The following CES5A variants were observed in gnomAD, a reference collection of about 807,000 sequenced individuals.
The protein encoded by CES5A is carboxylesterase 5A.
Under a neutral mutation model 62.9 loss-of-function variants are expected in CES5A, and 67 were observed. That is an observed-to-expected ratio of 1.07 (90% CI 0.88 to 1.31). The LOEUF is 1.31. Among genes scored for constraint, CES5A ranks in the 50% most tolerant of loss-of-function variants. The pLI, the probability that CES5A is intolerant of heterozygous loss-of-function variation, is 0.00. For synonymous variants in CES5A, 296 were observed against 280.8 expected (o/e 1.05, Z -0.54); for missense variants, 748 against 708.5 (o/e 1.06, Z -0.63).
intron 2 of CES5A, among the ~76,000 whole-genome samples, chr16:55,938,757 A>T (rs1467029654): frequency 1.0e-4 from 8 of 77,876 alleles, no homozygotes; most frequent in Admixed American, 2.9e-4. Flanking sequence ...AAAAAAAAAA[A>T]AAAAAAAAAT....
intron 6 of CES5A, among the ~76,000 whole-genome samples, chr16:55,862,818 G>T (rs1300523859): frequency 3.3e-5 from 5 of 152,114 alleles, no homozygotes; most frequent in Admixed American, 2.0e-4. Context: ...ATTATGCTGG[G>T]GGCCTGAAGG....
rs538262207 is a variant in CES5A at position 55,861,519 on chromosome 16, A to G, written c.811-3T>C. On this transcript the variant is annotated splice_polypyrimidine_tract_variant and splice_region_variant and intron_variant, in intron 6 of 12. Coordinates refer to ENST00000290567, the MANE Select transcript of CES5A (RefSeq NM_001143685.2). The stretch of plus-strand genomic sequence containing the variant: ...CAGAAATGTGCAACCACCTGCAGCT[A>G]TTTTGTAGAGAAGGACCGGGTTAGA... The G allele has an allele frequency of 6.2e-7, 1 of 1,602,830 alleles. No homozygotes were observed. Among genetic ancestry groups the G allele is most frequent in the Non-Finnish European group, 8.5e-7 (1 of 1,169,858 alleles).
In CES5A at chr16:55,919,649, T is replaced by C. The variant is rs190803664; in HGVS notation, c.-256+5674A>G. ...GAAACAACCTTTGTGAATGATTTTC[T>C]TTTAAGATTTAGAAAAATCTAGAAA... On this transcript the variant is annotated intron_variant, in intron 1 of 12. Coordinates refer to the CES5A transcript ENST00000518005. Among the ~76,000 whole-genome samples, 408 of 152,346 alleles carry C rather than the reference T, an allele frequency of 2.7e-3. 3 individuals are homozygous for C. Among genetic ancestry groups the C allele is most frequent in the African/African-American group, 9.4e-3 (390 of 41,574 alleles).
chr16:55,920,945 A>G (rs1171280535), intron 1 of CES5A, among the ~76,000 whole-genome samples: 2 of 152,218 alleles, frequency 1.3e-5, no homozygotes, highest in Non-Finnish European at 2.9e-5. Context: ...TCAAACCAAA[A>G]TCTTGGAACT....
At chr16:55,894,890 C>A (rs764334428) in intron 1 of CES5A, among the ~76,000 whole-genome samples, 3 of 152,118 alleles carry the variant, frequency 2.0e-5, no homozygotes, top group African/African-American at 4.8e-5. Context: ...TGTTGTGAAT[C>A]CTTGGGGGAA....
In CES5A at chr16:55,862,820, G is replaced by A. The variant is rs551339869; in HGVS notation, c.810+528C>T. ...ATATATACCAGGTATTATGCTGGGG[G>A]CCTGAAGGACAGAGAGATCCTGGTC... On this transcript the variant is annotated intron_variant, in intron 6 of 12. Transcript: ENST00000290567. 2.4e-4 allele frequency among the ~76,000 whole-genome samples: 37 copies of A among 152,274 alleles called. 1 individual carries two copies. In the South Asian group the frequency reaches 7.5e-3, roughly 31 times the overall value.
At chr16:55,877,409 T>A (rs920478678), upstream of CES5A, among the ~76,000 whole-genome samples, 13 of 148,296 alleles carry the variant, frequency 8.8e-5, no homozygotes, top group Non-Finnish European at 1.8e-4. Context: ...TGTATACATA[T>A]GTGTGTGTGT....
intron 2 of CES5A, among the ~76,000 whole-genome samples, chr16:55,947,721 G>A (rs2034511762): frequency 6.6e-6 from 1 of 152,054 alleles, no homozygotes; most frequent in Non-Finnish European, 1.5e-5. Context: ...AAGGAAGTGA[G>A]GGGAGGAGCC....
At chr16:55,899,179 G>A (rs1020272274) in intron 1 of CES5A, among the ~76,000 whole-genome samples, 7 of 152,118 alleles carry the variant, frequency 4.6e-5, no homozygotes, top group African/African-American at 1.7e-4. Flanking sequence ...ACATCTCAAA[G>A]GTCCTGAATG....
intron 2 of CES5A, among the ~76,000 whole-genome samples, chr16:55,943,170 A>G (rs552020612): frequency 1.3e-5 from 2 of 152,346 alleles, no homozygotes; most frequent in African/African-American, 4.8e-5. Context: ...TTTTACCTCA[A>G]TTTAGTTAAA....
chr16:55,886,331 T>A lies in CES5A; in HGVS notation c.-255-12294A>T, dbSNP rs142429472. Among the ~76,000 whole-genome samples, 45 of 152,266 alleles carry A rather than the reference T, an allele frequency of 3.0e-4. No homozygotes were observed. In the East Asian group the frequency reaches 7.0e-3, roughly 24 times the overall value. On this transcript the variant is annotated intron_variant, in intron 1 of 12. Coordinates refer to the CES5A transcript ENST00000518005. The stretch of plus-strand genomic sequence containing the variant: ...GGGGCCTGGGAAGTGACAGATAGGA[T>A]CCTAAATCAGTGACAAAGAGATGTG...
chr16:55,922,546 G>A (rs2034216362), intron 1 of CES5A, among the ~76,000 whole-genome samples: 1 of 151,856 alleles, frequency 6.6e-6, no homozygotes. Context: ...AGTATACAAA[G>A]CAAACATTAA....
chr16:55,903,216 G>C (rs1386219602), intron 1 of CES5A, among the ~76,000 whole-genome samples: 1 of 152,172 alleles, frequency 6.6e-6, no homozygotes, highest in Non-Finnish European at 1.5e-5. Context: ...ATGCTCACCA[G>C]TGCACCTGTG....
chr16:55,923,740 A>G lies in CES5A; in HGVS notation c.-256+1583T>C, dbSNP rs2034232168. Among the ~76,000 whole-genome samples, 3 of 151,862 alleles carry G rather than the reference A, an allele frequency of 2.0e-5. No individual in the cohort carries two copies. The South Asian group carries it at 6.2e-4, about 31-fold the overall frequency. On this transcript the variant is annotated intron_variant, in intron 1 of 12. Coordinates refer to the CES5A transcript ENST00000518005. ...AAGAAAACTACAGGCCATATCACTG[A>G]AGAACTTAGATGCACAAATCCTCAA...
chr16:55,915,750 G>A (rs1479867795), intron 1 of CES5A, among the ~76,000 whole-genome samples: 3 of 152,120 alleles, frequency 2.0e-5, no homozygotes, highest in African/African-American at 7.2e-5. Flanking sequence ...GTCCTATAAT[G>A]TTTATGAAAT....
intron 1 of CES5A, among the ~76,000 whole-genome samples, chr16:55,882,809 C>T (rs2033775234): frequency 6.6e-6 from 1 of 152,144 alleles, no homozygotes; most frequent in Non-Finnish European, 1.5e-5. Context: ...CTTGAGTTTC[C>T]AAAGGGCTTA....
chr16:55,867,482 C>T (rs1467819497), intron 4 of CES5A, among the ~76,000 whole-genome samples: 2 of 152,176 alleles, frequency 1.3e-5, no homozygotes, highest in African/African-American at 4.8e-5. Flanking sequence ...CCTCCATTTT[C>T]CAGTTCTCCA....
intron 11 of CES5A, 124 bp downstream of exon 11, chr16:55,849,500 G>T (rs2110815): frequency 0.68 from 707,524 of 1,034,344 alleles, 243,902 homozygotes; most frequent in Non-Finnish European, 0.71. Flanking sequence ...CCAGAGAAAG[G>T]TTGTGTCCGC....
Position 55,853,037 on chromosome 16 carries a change from A to C in CES5A, c.1126-9T>G, listed in dbSNP as rs2033164637. 1 of 1,613,832 alleles carries C rather than the reference A, an allele frequency of 6.2e-7. No homozygotes were observed. The highest frequency in any genetic ancestry group is 1.3e-5 in the African/African-American group (1 of 74,916). ...TACTGAGGCGGGATGTGCTGTAAAAATATCGTAGTCCTAGGAGATCCAGGT... is the reference window on the plus strand; with the variant it reads ...TACTGAGGCGGGATGTGCTGTAAAACTATCGTAGTCCTAGGAGATCCAGGT... On this transcript the variant is annotated splice_polypyrimidine_tract_variant and intron_variant, in intron 9 of 12. Transcript: ENST00000290567.
Sources: gnomAD v4.1 joint callset for allele counts (sites outside exome capture counted in the v4.1 genomes callset) on GRCh38, gnomAD v4.1.1 for gene constraint, MANE v1.5 for transcripts, NCBI Gene and HGNC (gene_info 2026-07-23, HGNC 2026-07-21) for gene names.